The following IKBKB-DT variants were observed in gnomAD, a reference collection of about 807,000 sequenced individuals.
IKBKB-DT encodes the protein IKBKB divergent transcript, also known as IKBKB antisense RNA.
chr8:42,271,074 C>G (rs1437026655), exon 1 of IKBKB-DT: 1 of 337,330 alleles, frequency 3.0e-6, no homozygotes, highest in Non-Finnish European at 5.5e-6. Flanking sequence ...AGTAACTTGT[C>G]TAAAGAGAAC....
At chr8:42,256,074 T>C (rs1013085072) in intron 3 of IKBKB-DT, among the ~76,000 whole-genome samples, 2 of 149,998 alleles carry the variant, frequency 1.3e-5, no homozygotes, top group Admixed American at 6.6e-5. Flanking sequence ...TAGTCATGAG[T>C]AGTCATGAAA....
chr8:42,250,634 G>A (rs568855869), intron 3 of IKBKB-DT, among the ~76,000 whole-genome samples: 58 of 152,326 alleles, frequency 3.8e-4, no homozygotes, highest in Non-Finnish European at 5.6e-4. Context: ...AGACAGGGCC[G>A]GGAGGGGTGA....
chr8:42,248,281 C>T (rs1463292913), intron 3 of IKBKB-DT, among the ~76,000 whole-genome samples: 1 of 151,982 alleles, frequency 6.6e-6, no homozygotes, highest in African/African-American at 2.4e-5. Context: ...GCTTGCCCAC[C>T]ACTCACCTCC....
intron 3 of IKBKB-DT, among the ~76,000 whole-genome samples, chr8:42,256,353 G>A (rs1350316578): frequency 1.3e-5 from 2 of 149,502 alleles, no homozygotes; most frequent in African/African-American, 2.5e-5. Flanking sequence ...CCTGAGGTGA[G>A]AAGTTTGAGA....
chr8:42,259,921 G>A lies in IKBKB-DT; in HGVS notation n.1529+3408C>T, dbSNP rs1227905883. ...TGCTTGAACCCCAGAGGCGGAGGTT[G>A]CAGTGAGCTGAGATTGTGCCACTGC... On this transcript the variant is annotated intron_variant and non_coding_transcript_variant, in intron 3 of 3. Coordinates refer to ENST00000518213, the Ensembl canonical transcript of IKBKB-DT. Among the ~76,000 whole-genome samples the A allele has an allele frequency of 2.0e-5, 3 of 150,780 alleles. No homozygotes were observed. In the South Asian group the frequency reaches 6.3e-4, roughly 32 times the overall value.
intron 3 of IKBKB-DT, among the ~76,000 whole-genome samples, chr8:42,261,771 G>A (rs184435766): frequency 8.0e-4 from 122 of 152,284 alleles, no homozygotes; most frequent in African/African-American, 2.3e-3. Flanking sequence ...GATTCTGACC[G>A]TTTTGATGAT....
intron 3 of IKBKB-DT, among the ~76,000 whole-genome samples, chr8:42,248,206 C>T (rs1807086230): frequency 6.6e-6 from 1 of 152,064 alleles, no homozygotes; most frequent in Admixed American, 6.5e-5. Context: ...TTACAAATTA[C>T]TATCTCAGGT....
chr8:42,251,109 T>C (rs1308947732), intron 3 of IKBKB-DT, among the ~76,000 whole-genome samples: 1 of 152,000 alleles, frequency 6.6e-6, no homozygotes, highest in Non-Finnish European at 1.5e-5. Context: ...CTGCTAGAAA[T>C]ACCAAAAGTG....
chr8:42,271,188 G>T, exon 1 of IKBKB-DT: 1 of 609,738 alleles, frequency 1.6e-6, no homozygotes, highest in Non-Finnish European at 3.0e-6. Context: ...CCCCGCCCCG[G>T]GGGAGTCGCC....
chr8:42,265,082 C>G (rs926554616), intron 2 of IKBKB-DT, among the ~76,000 whole-genome samples: 9 of 151,326 alleles, frequency 5.9e-5, no homozygotes, highest in Admixed American at 5.3e-4. Context: ...AGGCTGGTCT[C>G]AAACCCCTGA....
At chr8:42,243,413 G>T (rs1271688404) in intron 3 of IKBKB-DT, among the ~76,000 whole-genome samples, 1 of 152,062 alleles carries the variant, frequency 6.6e-6, no homozygotes, top group Non-Finnish European at 1.5e-5. Flanking sequence ...AGAAGAAAGA[G>T]AAAAAAATAA....
At chr8:42,260,175 A>T (rs1233537128) in intron 3 of IKBKB-DT, among the ~76,000 whole-genome samples, 2 of 152,126 alleles carry the variant, frequency 1.3e-5, no homozygotes, top group Non-Finnish European at 2.9e-5. Context: ...TGTGCCAACC[A>T]TAGGGAAGTG....
intron 3 of IKBKB-DT, among the ~76,000 whole-genome samples, chr8:42,261,420 T>A (rs1343111753): frequency 6.6e-6 from 1 of 151,990 alleles, no homozygotes; most frequent in Non-Finnish European, 1.5e-5. Context: ...ACCAGTCATG[T>A]CCCTCTCCCC....
chr8:42,239,942 A>G (rs1192882087), intron 3 of IKBKB-DT, among the ~76,000 whole-genome samples: 2 of 151,990 alleles, frequency 1.3e-5, no homozygotes, highest in Non-Finnish European at 2.9e-5. Flanking sequence ...CCTGGCCGTA[A>G]AAGGCAATTT....
chr8:42,241,778 T>G (rs939460595), intron 3 of IKBKB-DT, among the ~76,000 whole-genome samples: 1 of 152,072 alleles, frequency 6.6e-6, no homozygotes, highest in Admixed American at 6.6e-5. Context: ...TAAGTAGCAG[T>G]GGTAAAAGTC....
intron 3 of IKBKB-DT, among the ~76,000 whole-genome samples, chr8:42,249,716 GGAA>G (rs553631528): frequency 6.3e-4 from 96 of 152,226 alleles, no homozygotes; most frequent in African/African-American, 2.3e-3. Context: ...TTGCAATCAT[GGAA>G]GAAGGATTTT....
chr8:42,247,227 C>T (rs1302777943), intron 3 of IKBKB-DT, among the ~76,000 whole-genome samples: 1 of 152,200 alleles, frequency 6.6e-6, no homozygotes, highest in Non-Finnish European at 1.5e-5. Flanking sequence ...CAAGGCCATG[C>T]ATCAGCGTGT....
At chr8:42,267,071 G>T (rs1270520812) in intron 1 of IKBKB-DT, among the ~76,000 whole-genome samples, 11 of 150,482 alleles carry the variant, frequency 7.3e-5, no homozygotes, top group Admixed American at 4.7e-4. Context: ...CGCGATCTTG[G>T]CTCACTGCAA....
At chr8:42,238,388 T>C (rs535060903) in intron 3 of IKBKB-DT, among the ~76,000 whole-genome samples, 1 of 152,348 alleles carries the variant, frequency 6.6e-6, no homozygotes, top group East Asian at 1.9e-4. Context: ...GTTTACACTT[T>C]AACTTTGAAG....
Sources: allele counts gnomAD v4.1 joint callset (sites outside exome capture counted in the v4.1 genomes callset), GRCh38; gene constraint gnomAD v4.1.1; transcripts MANE v1.5; gene names NCBI Gene and HGNC (gene_info 2026-07-23, HGNC 2026-07-21).